Variants in LAPTM4A observed in about 807,000 individuals in gnomAD.
LAPTM4A encodes lysosomal-associated transmembrane protein 4A.
Under a neutral mutation model 29.9 loss-of-function variants are expected in LAPTM4A, and 19 were observed. The observed-to-expected ratio is 0.64, with a 90% CI of 0.44 to 0.93. LAPTM4A has a LOEUF of 0.93. Ranked by LOEUF, LAPTM4A falls within the 40% of genes least tolerant of loss-of-function variation. LAPTM4A has a pLI of 0.00. For synonymous variants in LAPTM4A, 105 were observed against 102.1 expected, an observed-to-expected ratio of 1.03 and a Z score of -0.17; for missense variants, 293 against 288.5, an observed-to-expected ratio of 1.02 and a Z score of -0.11.
chr2:20,050,579 A>G (rs915939698), intron 1 of LAPTM4A, among the ~76,000 whole-genome samples: 2 of 152,188 alleles, frequency 1.3e-5, no homozygotes, highest in African/African-American at 4.8e-5. Context: ...GTGCATGGAT[A>G]CTATAAATGG....
At chr2:20,036,868 T>C (rs550659534) in intron 4 of LAPTM4A, among the ~76,000 whole-genome samples, 160 of 152,336 alleles carry the variant, frequency 1.1e-3, no homozygotes, top group Admixed American at 4.1e-3. Flanking sequence ...TATTACAGTT[T>C]GCTCGCTAAA....
intron 1 of LAPTM4A, among the ~76,000 whole-genome samples, chr2:20,043,943 A>T (rs1673859699): frequency 6.6e-6 from 1 of 152,240 alleles, no homozygotes; most frequent in Non-Finnish European, 1.5e-5. Context: ...GATTATTAAT[A>T]AACATTCCCC....
At chr2:20,034,565 C>T (rs1673640370) in intron 5 of LAPTM4A, 150 bp from the exon 6 acceptor site, 1 of 626,436 alleles carries the variant, frequency 1.6e-6, no homozygotes, top group East Asian at 2.7e-5. Flanking sequence ...CAGGCCCTTT[C>T]CCTACTTGCT....
intron 2 of LAPTM4A, 68 bp downstream of exon 2, chr2:20,040,823 T>G: frequency 1.4e-6 from 2 of 1,402,786 alleles, no homozygotes; most frequent in Non-Finnish European, 2.0e-6. Context: ...TCCCCATCAT[T>G]AAACAACACA....
chr2:20,035,028 A>G lies in LAPTM4A; in HGVS notation c.467T>C (p.Leu156Ser). The G allele has an allele frequency of 1.9e-6, 3 of 1,613,054 alleles. No individual in the cohort carries two copies. The highest frequency in any genetic ancestry group is 1.7e-6 in the Non-Finnish European group (2 of 1,179,236). ...AATGAACAGGAGGCAGCTGGAGTCCAAGGCCAGGAGGTCATCTTTGTAGGG... is the reference window on the plus strand; with the variant it reads ...AATGAACAGGAGGCAGCTGGAGTCCGAGGCCAGGAGGTCATCTTTGTAGGG... ...DFPYKDDLLA[L>S]DSSCLLFIVL... The change falls in exon 5 of 7, where the codon TTG becomes TCG. Residue 156 changes from leucine to serine, a missense_variant. Transcript: ENST00000175091.
At chr2:20,039,491 T>C (rs768377) in intron 2 of LAPTM4A, among the ~76,000 whole-genome samples, 22,114 of 152,206 alleles carry the variant, frequency 0.15, 2,171 homozygotes, top group East Asian at 0.43. Context: ...CAGTGGCTCA[T>C]GCCTGTAATC....
intron 1 of LAPTM4A, among the ~76,000 whole-genome samples, chr2:20,048,354 T>G (rs1156518547): frequency 6.6e-6 from 1 of 152,234 alleles, no homozygotes; most frequent in Non-Finnish European, 1.5e-5. Flanking sequence ...ATTCTGAAAT[T>G]TCCTGTTACT....
Position 20,034,981 on chromosome 2 carries a change from A to AT in LAPTM4A, c.513dup (p.Phe172IlefsTer5), listed in dbSNP as rs952670100. 15 of 1,611,132 alleles carry AT rather than the reference A, an allele frequency of 9.3e-6. No homozygotes were observed. The African/African-American group carries it at 1.9e-4, about 20-fold the overall frequency. ...CAGCAACGTACCTTAAAAATGATGA[A>AT]TAAGGCAAAGAACACAAGAACAATG... is the stretch of plus-strand genomic sequence containing the variant. On this transcript the variant is annotated frameshift_variant, in exon 5 of 7. Coordinates refer to ENST00000175091, the MANE Select transcript of LAPTM4A (RefSeq NM_014713.5). LOFTEE classifies it high-confidence loss of function.
chr2:20,040,596 G>A (rs1673773075), intron 2 of LAPTM4A, among the ~76,000 whole-genome samples: 2 of 152,168 alleles, frequency 1.3e-5, no homozygotes, highest in South Asian at 4.1e-4. Context: ...TGTATTTACA[G>A]TATTACTATA....
At position 20,037,456 on chromosome 2, in the gene LAPTM4A, A is replaced by C; in HGVS notation, c.310-18T>G. On this transcript the variant is annotated intron_variant, in intron 3 of 6. Transcript: ENST00000175091. Reference sequence around the variant, plus strand: ...ACTTGATACTGGAGAAAAAATAACAACCATAACATTGTATCACATATAGGA... The same window carrying C: ...ACTTGATACTGGAGAAAAAATAACACCCATAACATTGTATCACATATAGGA... 1 of 1,605,300 alleles carries C rather than the reference A, an allele frequency of 6.2e-7. No individual in the cohort carries two copies. The highest frequency in any genetic ancestry group is 8.5e-7 in the Non-Finnish European group (1 of 1,177,318).
chr2:20,050,110 T>C lies in LAPTM4A; in HGVS notation c.111+1300A>G, dbSNP rs768090596. ...TCCGAATATAAAAGTACAGGAAACATGAAAATAAACTCAGCACAAGCAAAC... is the reference window on the plus strand; with the variant it reads ...TCCGAATATAAAAGTACAGGAAACACGAAAATAAACTCAGCACAAGCAAAC... On this transcript the variant is annotated intron_variant, in intron 1 of 6. Transcript: ENST00000175091. Among the ~76,000 whole-genome samples, 10 of 152,236 alleles carry C rather than the reference T, an allele frequency of 6.6e-5. No homozygotes were observed. In the South Asian group the frequency reaches 1.2e-3, roughly 19 times the overall value.
intron 4 of LAPTM4A, among the ~76,000 whole-genome samples, chr2:20,036,677 C>A (rs1367635339): frequency 6.6e-6 from 1 of 152,174 alleles, no homozygotes; most frequent in Non-Finnish European, 1.5e-5. Context: ...TGCCAATTTT[C>A]ATCTACCTAG....
At chr2:20,044,980 G>A (rs765627670) in intron 1 of LAPTM4A, among the ~76,000 whole-genome samples, 1 of 152,168 alleles carries the variant, frequency 6.6e-6, no homozygotes, top group African/African-American at 2.4e-5. Context: ...CTGGCCTCAA[G>A]TGATCCTACT....
At chr2:20,043,872 CAGAT>C (rs576154931) in intron 1 of LAPTM4A, among the ~76,000 whole-genome samples, 172 of 152,322 alleles carry the variant, frequency 1.1e-3, no homozygotes, top group Non-Finnish European at 2.0e-3. Context: ...GCTGAGCTGA[CAGAT>C]GGGAGAATCA....
intron 4 of LAPTM4A, chr2:20,035,348 T>C (rs1016316): frequency 0.21 from 72,706 of 348,580 alleles, 8,240 homozygotes; most frequent in East Asian, 0.32. Context: ...TTCTGGCCTT[T>C]GGAAAAACAC....
intron 2 of LAPTM4A, among the ~76,000 whole-genome samples, chr2:20,039,753 A>G (rs1238896306): frequency 6.6e-6 from 1 of 150,958 alleles, no homozygotes; most frequent in East Asian, 2.0e-4. Context: ...TATAAATGTG[A>G]TTTTAAAAAT....
At chr2:20,040,517 C>CA (rs1673770409) in intron 2 of LAPTM4A, among the ~76,000 whole-genome samples, 1 of 152,224 alleles carries the variant, frequency 6.6e-6, no homozygotes, top group Admixed American at 6.5e-5. Flanking sequence ...GACAGACAGA[C>CA]ATGGGCCAAC....
Position 20,047,696 on chromosome 2 carries a change from C to CAAAAAAAAAAAGAAAAAAG in LAPTM4A, c.111+3713_111+3714insCTTTTTTCTTTTTTTTTTT, listed in dbSNP as rs550625996. On this transcript the variant is annotated intron_variant, in intron 1 of 6. Transcript: ENST00000175091. ...TGGGCGACAGAGCGAGACTCCGTCT[C>CAAAAAAAAAAAGAAAAAAG]AAAAAAAAAAAAAAAGGAAAGTTTT... 4.2e-4 allele frequency among the ~76,000 whole-genome samples: 32 copies of CAAAAAAAAAAAGAAAAAAG among 76,714 alleles called. 1 individual carries two copies. Among genetic ancestry groups the CAAAAAAAAAAAGAAAAAAG allele is most frequent in the Non-Finnish European group, 8.2e-4 (31 of 37,762 alleles). 50.3% of individuals were successfully genotyped at this position (76,714 alleles called of 152,430 possible).
intron 6 of LAPTM4A, among the ~76,000 whole-genome samples, chr2:20,033,660 G>A (rs572530021): frequency 6.6e-6 from 1 of 152,180 alleles, no homozygotes; most frequent in Non-Finnish European, 1.5e-5. Flanking sequence ...CCAATAAGAC[G>A]CTAGCTCCTG....
Sources: gnomAD v4.1 joint callset for allele counts (sites outside exome capture counted in the v4.1 genomes callset) on GRCh38, gnomAD v4.1.1 for gene constraint, MANE v1.5 for transcripts, NCBI Gene and HGNC (gene_info 2026-07-23, HGNC 2026-07-21) for gene names.